Variants in LRP1B observed in about 807,000 individuals in gnomAD.
LRP1B encodes LDL receptor related protein 1B, also known as low-density lipoprotein receptor-related protein 1B.
LRP1B carries 217 observed loss-of-function variants against 556.6 expected under a neutral mutation model. The ratio of observed to expected loss-of-function variants is 0.39; its 90% CI spans 0.35 to 0.44. The LOEUF is 0.44. LRP1B is among the 20% of genes least tolerant of loss of function. The pLI, the probability that LRP1B is intolerant of heterozygous loss-of-function variation, is 1.00. For synonymous variants in LRP1B, 2,047 were observed against 1,865.8 expected (o/e 1.10, Z -2.50); for missense variants, 5,053 against 5,620.8 (o/e 0.90, Z 3.23).
chr2:142,120,827 G>A (rs529062133), intron 1 of LRP1B, among the ~76,000 whole-genome samples: 1 of 152,028 alleles, frequency 6.6e-6, no homozygotes, highest in Admixed American at 6.6e-5. Flanking sequence ...CAAACACAGG[G>A]TGTTAGGAAA....
intron 66 of LRP1B, among the ~76,000 whole-genome samples, chr2:140,388,082 A>T (rs1829363): frequency 1.3e-5 from 2 of 151,958 alleles, no homozygotes; most frequent in African/African-American, 2.4e-5. Flanking sequence ...GATTACAGGC[A>T]TTCGCCACCA....
intron 35 of LRP1B, among the ~76,000 whole-genome samples, chr2:140,731,552 G>A (rs940226256): frequency 3.0e-4 from 45 of 152,030 alleles, no homozygotes; most frequent in African/African-American, 9.9e-4. Flanking sequence ...GGAGGATCAC[G>A]AGGTCAAGAG....
chr2:140,295,618 G>T (rs1646155679), intron 84 of LRP1B, among the ~76,000 whole-genome samples: 1 of 152,122 alleles, frequency 6.6e-6, no homozygotes, highest in Non-Finnish European at 1.5e-5. Flanking sequence ...TTGAATCTTG[G>T]CTCTCGCAAA....
chr2:140,443,103 C>T (rs1686500591), intron 65 of LRP1B, among the ~76,000 whole-genome samples: 1 of 152,076 alleles, frequency 6.6e-6, no homozygotes, highest in African/African-American at 2.4e-5. Flanking sequence ...CTCTGTTGTC[C>T]AGGCTGGAGT....
At chr2:142,127,372 A>G (rs1001712903) in intron 1 of LRP1B, among the ~76,000 whole-genome samples, 3 of 143,950 alleles carry the variant, frequency 2.1e-5, no homozygotes, top group African/African-American at 5.4e-5. Context: ...GGCAGAATCC[A>G]TCCATCCATC....
intron 32 of LRP1B, among the ~76,000 whole-genome samples, chr2:140,779,611 C>T (rs1206062833): frequency 1.3e-5 from 2 of 148,986 alleles, no homozygotes; most frequent in African/African-American, 5.0e-5. Context: ...AGGAGAAACA[C>T]TTGAACCCGG....
chr2:141,031,214 TTTCTGGAGGAGCTA>T (rs1698358634), intron 11 of LRP1B, among the ~76,000 whole-genome samples: 1 of 151,192 alleles, frequency 6.6e-6, no homozygotes, highest in Non-Finnish European at 1.5e-5. Context: ...AATCATGATT[TTTCTGGAGGAGCTA>T]TATATAATGG....
chr2:142,120,582 T>G (rs1707424750), intron 1 of LRP1B, among the ~76,000 whole-genome samples: 1 of 152,190 alleles, frequency 6.6e-6, no homozygotes, highest in Admixed American at 6.5e-5. Context: ...GAAAAGGAGC[T>G]CTTTCTTTAA....
chr2:141,914,857 C>A (rs1165250219), intron 1 of LRP1B, among the ~76,000 whole-genome samples: 1 of 152,064 alleles, frequency 6.6e-6, no homozygotes, highest in Admixed American at 6.6e-5. Context: ...AGATGACACG[C>A]AAACAAATGG....
chr2:141,027,488 G>A (rs1698247716), intron 11 of LRP1B, among the ~76,000 whole-genome samples: 1 of 152,052 alleles, frequency 6.6e-6, no homozygotes, highest in African/African-American at 2.4e-5. Flanking sequence ...ATGAAGGGAA[G>A]TGAAATATTA....
chr2:140,999,689 T>G (rs903031781), intron 15 of LRP1B, among the ~76,000 whole-genome samples: 4 of 152,078 alleles, frequency 2.6e-5, no homozygotes, highest in African/African-American at 4.8e-5. Context: ...TGTGCTTAGC[T>G]AGAGTTCCTA....
intron 3 of LRP1B, among the ~76,000 whole-genome samples, chr2:141,267,650 C>T (rs1019327468): frequency 6.6e-6 from 1 of 151,056 alleles, no homozygotes; most frequent in South Asian, 2.1e-4. Flanking sequence ...AGAAACTATG[C>T]GTGAGGAAAA....
chr2:141,514,459 T>C (rs751251699), intron 2 of LRP1B, among the ~76,000 whole-genome samples: 6 of 152,184 alleles, frequency 3.9e-5, no homozygotes, highest in Non-Finnish European at 7.3e-5. Context: ...ATGTGTTTTG[T>C]TGTGTTGTCT....
intron 2 of LRP1B, among the ~76,000 whole-genome samples, chr2:141,776,428 A>C (rs1695074431): frequency 6.6e-6 from 1 of 152,232 alleles, no homozygotes; most frequent in African/African-American, 2.4e-5. Context: ...GATGCTTCAC[A>C]TCACGCAGAG....
chr2:141,464,606 A>ATATTTTTTTTTTTTTTTT lies in LRP1B; in HGVS notation c.343+15789_343+15790insAAAAAAAAAAAAAAAATA. ...TTTGTATATATATATATATATATAT[A>ATATTTTTTTTTTTTTTTT]TTTTTTTAGTAGAGATGGGGTTTCA... On this transcript the variant is annotated intron_variant, in intron 3 of 90. Transcript: ENST00000389484. 8.8e-5 allele frequency among the ~76,000 whole-genome samples: 8 copies of ATATTTTTTTTTTTTTTTT among 90,536 alleles called. No individual in the cohort carries two copies. The East Asian group carries it at 1.7e-3, about 19-fold the overall frequency. 59.4% of individuals were successfully genotyped at this position (90,536 alleles called of 152,430 possible). A position where few individuals can be genotyped will look rare whatever the true frequency, so the allele number is the denominator to read the frequency against.
At chr2:140,280,726 C>T (rs1005059245) in intron 84 of LRP1B, among the ~76,000 whole-genome samples, 1 of 151,726 alleles carries the variant, frequency 6.6e-6, no homozygotes, top group Admixed American at 6.6e-5. Flanking sequence ...TAATGTCTTC[C>T]TTCCTATTGA....
chr2:140,745,677 C>G (rs1392216425), intron 35 of LRP1B, among the ~76,000 whole-genome samples: 1 of 152,000 alleles, frequency 6.6e-6, no homozygotes, highest in East Asian at 1.9e-4. Context: ...GATTTTCTTC[C>G]TGAACCCAGA....
At chr2:140,598,916 G>A in intron 42 of LRP1B, 81 bp from the exon 43 acceptor site, 1 of 894,956 alleles carries the variant, frequency 1.1e-6, no homozygotes, top group Non-Finnish European at 1.7e-6. Context: ...GCAATACCAA[G>A]CTATTTTAAA....
intron 2 of LRP1B, among the ~76,000 whole-genome samples, chr2:141,655,748 T>C (rs1296048581): frequency 6.6e-6 from 1 of 152,076 alleles, no homozygotes; most frequent in Non-Finnish European, 1.5e-5. Context: ...ATTTAATTGC[T>C]GGAGATAAGG....
Sources: gnomAD v4.1 joint callset for allele counts (sites outside exome capture counted in the v4.1 genomes callset) on GRCh38, gnomAD v4.1.1 for gene constraint, MANE v1.5 for transcripts, NCBI Gene and HGNC (gene_info 2026-07-23, HGNC 2026-07-21) for gene names.